The following KRT23 variants were observed in gnomAD, a reference collection of about 807,000 sequenced individuals.
The protein encoded by KRT23 is keratin, type I cytoskeletal 23.
Under a neutral mutation model 47.6 loss-of-function variants are expected in KRT23, and 38 were observed. The observed-to-expected ratio is 0.80, with a 90% CI of 0.62 to 1.05. The LOEUF (loss-of-function observed/expected upper bound fraction) is 1.05. Ranked by LOEUF, KRT23 falls within the 50% of genes least tolerant of loss-of-function variation. KRT23 has a pLI of 0.00. For synonymous variants in KRT23, 191 were observed against 199.0 expected (o/e 0.96, Z 0.34); for missense variants, 503 against 529.5 (o/e 0.95, Z 0.49).
At chr17:40,931,486 T>C in intron 2 of KRT23, 31 bp from the exon 3 acceptor site, 1 of 1,545,296 alleles carries the variant, frequency 6.5e-7, no homozygotes, top group Non-Finnish European at 9.0e-7. Flanking sequence ...CACAAAAGGT[T>C]ATCTCACTTG....
chr17:40,928,208 G>A, intron 6 of KRT23, 30 bp downstream of exon 6: 3 of 1,613,278 alleles, frequency 1.9e-6, no homozygotes, highest in Non-Finnish European at 2.5e-6. Context: ...AGGTGGTGTG[G>A]GATTCACGGT....
chr17:40,927,043 C>G (rs975614663), intron 6 of KRT23, among the ~76,000 whole-genome samples: 4 of 152,180 alleles, frequency 2.6e-5, no homozygotes, highest in Non-Finnish European at 5.9e-5. Context: ...CATCCCATCA[C>G]CACATCAAGC....
At chr17:40,923,109 C>T in intron 8 of KRT23, 26 bp from the exon 9 acceptor site, 2 of 1,490,240 alleles carry the variant, frequency 1.3e-6, no homozygotes, top group South Asian at 2.3e-5. Context: ...TGGAAGATGT[C>T]ACTGCCATGC....
chr17:40,930,265 A>G (rs1909564804), intron 3 of KRT23, among the ~76,000 whole-genome samples, 169 bp from the exon 4 acceptor site: 1 of 152,168 alleles, frequency 6.6e-6, no homozygotes, highest in Non-Finnish European at 1.5e-5. Flanking sequence ...CTTCTCCATG[A>G]TGGTGACTCA....
At chr17:40,924,048 G>C (rs568777106) in intron 8 of KRT23, among the ~76,000 whole-genome samples, 6 of 152,296 alleles carry the variant, frequency 3.9e-5, no homozygotes, top group African/African-American at 1.4e-4. Context: ...GACTGTCCAA[G>C]AAGAGGATCA....
At position 40,936,500 on chromosome 17, in the gene KRT23, T is replaced by C. The variant is rs770244941; in HGVS notation, c.104A>G (p.His35Arg). 13 of 1,543,286 alleles carry C rather than the reference T, an allele frequency of 8.4e-6. No homozygotes were observed. The highest frequency in any genetic ancestry group is 1.0e-5 in the Non-Finnish European group (12 of 1,146,698). ...PRSFPRAPTV[H>R]GGAGGARISL... ...GATGCGGGCTCCCCCCGCACCGCCA[T>C]GGACGGTGGGAGCCCTGGGGAAGCT... is the stretch of plus-strand genomic sequence containing the variant. Residue 35 changes from histidine to arginine, a missense_variant, in exon 2 of 9, where the codon CAT (histidine) becomes CGT (arginine). His to Arg is a conservative substitution (Grantham distance 29). Transcript: ENST00000209718.
At chr17:40,935,720 T>C (rs1597887492) in intron 2 of KRT23, among the ~76,000 whole-genome samples, 1 of 152,336 alleles carries the variant, frequency 6.6e-6, no homozygotes, top group East Asian at 1.9e-4. Context: ...AACAGCCTTT[T>C]GTCGATGGAT....
At chr17:40,935,984 T>C (rs982993588) in intron 2 of KRT23, among the ~76,000 whole-genome samples, 2 of 152,338 alleles carry the variant, frequency 1.3e-5, no homozygotes, top group Admixed American at 1.3e-4. Context: ...TGCTGCCTTC[T>C]TTTTCTACAT....
Position 40,936,677 on chromosome 17 carries a change from C to T in KRT23, c.-74G>A. 7.1e-7 allele frequency: 1 copy of T among 1,410,800 alleles called. No individual in the cohort carries two copies. Among genetic ancestry groups the T allele is most frequent in the Non-Finnish European group, 9.4e-7 (1 of 1,066,618 alleles). 87.4% of individuals were successfully genotyped at this position (1,410,800 alleles called of 1,614,324 possible). On this transcript the variant is annotated 5_prime_UTR_variant, in exon 2 of 9. Transcript: ENST00000209718. ...CACCGCAGAACTGAGCCGCCCCAGACTGCCCTGGATGGTTTTATGGCCTTT... is the reference window on the plus strand; with the variant it reads ...CACCGCAGAACTGAGCCGCCCCAGATTGCCCTGGATGGTTTTATGGCCTTT...
rs1355827539 is a variant in KRT23, at chr17:40,936,245, G to T, written c.359C>A (p.Ser120Tyr). 6.2e-7 allele frequency: 1 copy of T among 1,614,142 alleles called. No homozygotes were observed. Among genetic ancestry groups the T allele is most frequent in the Non-Finnish European group, 8.5e-7 (1 of 1,180,026 alleles). Reference sequence around the variant, plus strand: ...GTGTGTGATGTTTTCCTCATACTGGGAATAATCTTTCTTACTGCCAGGATC... The same window carrying T: ...GTGTGTGATGTTTTCCTCATACTGGTAATAATCTTTCTTACTGCCAGGATC... ...QRDPGSKKDY[S>Y]QYEENITHLQ... The change falls in exon 2 of 9, where the codon TCC becomes TAC. Residue 120 changes from serine to tyrosine, a missense_variant. Transcript: ENST00000209718.
intron 3 of KRT23, among the ~76,000 whole-genome samples, chr17:40,930,713 G>A (rs1350176503): frequency 2.6e-5 from 4 of 151,812 alleles, no homozygotes; most frequent in Non-Finnish European, 4.4e-5. Context: ...GCAGTGAGCC[G>A]AGATCACGCC....
Position 40,936,360 on chromosome 17 carries a change from G to C in KRT23, c.244C>G (p.Arg82Gly). Residue 82 changes from arginine (R) to glycine (G), a missense_variant, in exon 2 of 9, where the codon CGC (arginine) becomes GGC (glycine). Physicochemically the swap from Arg to Gly is moderately radical, Grantham distance 125. Coordinates refer to ENST00000209718, the MANE Select transcript of KRT23 (RefSeq NM_015515.5). Reference protein sequence around the residue: ...GKATMQNLNDRLASYLEKVRA... With the variant: ...GKATMQNLNDGLASYLEKVRA... ...ACCTTCTCCAGGTAGGAGGCCAGGC[G>C]GTCGTTGAGATTCTGCATGGTGGCC... The C allele has an allele frequency of 3.1e-6, 5 of 1,614,214 alleles. No homozygotes were observed. Among genetic ancestry groups the C allele is most frequent in the Non-Finnish European group, 4.2e-6 (5 of 1,180,032 alleles).
At chr17:40,925,262 G>T in intron 7 of KRT23, 92 bp downstream of exon 7, 1 of 1,067,694 alleles carries the variant, frequency 9.4e-7, no homozygotes, top group Non-Finnish European at 1.4e-6. Flanking sequence ...TTGCTAGAGT[G>T]ACTCTTGCTA....
intron 4 of KRT23, chr17:40,929,642 C>G: frequency 3.4e-6 from 1 of 290,100 alleles, no homozygotes; most frequent in Admixed American, 4.9e-5. Context: ...TCCAGTCTCA[C>G]GCATTGATTC....
intron 3 of KRT23, 145 bp from the exon 4 acceptor site, chr17:40,930,241 A>G (rs1909562329): frequency 1.5e-6 from 1 of 652,612 alleles, no homozygotes; most frequent in African/African-American, 1.8e-5. Context: ...TTTTTATGCC[A>G]GTTTCATGCT....
intron 3 of KRT23, among the ~76,000 whole-genome samples, chr17:40,930,677 T>C (rs1231816674): frequency 6.6e-6 from 1 of 151,702 alleles, no homozygotes; most frequent in African/African-American, 2.4e-5. Flanking sequence ...GGCAGGAGAA[T>C]CGCTTGAACC....
chr17:40,925,364 C>T lies in KRT23; in HGVS notation c.1132G>A (p.Glu378Lys). ...CAGCCTTTGCCTTACCCTTCACTCT[C>T]TCCCTCCAGGAGCCGTCGGTACGTG... ...ITTYRRLLEGESEGTREESKS... is the reference protein window; with the variant it reads ...ITTYRRLLEGKSEGTREESKS... The change falls in exon 7 of 9, where the codon GAG becomes AAG. Residue 378 changes from glutamate (E) to lysine (K), a missense_variant. By Grantham distance (56) the Glu-to-Lys change is moderately conservative. Transcript: ENST00000209718. 1 of 1,613,246 alleles carries T rather than the reference C, an allele frequency of 6.2e-7. No individual in the cohort carries two copies. The highest frequency in any genetic ancestry group is 8.5e-7 in the Non-Finnish European group (1 of 1,179,914).
rs2143416597 is a variant in KRT23 at position 40,922,747 on chromosome 17, A to C, written c.*242T>G. 2.6e-6 allele frequency: 1 copy of C among 382,278 alleles called. No individual in the cohort carries two copies. Among genetic ancestry groups the C allele is most frequent in the East Asian group, 4.9e-5 (1 of 20,404 alleles). The allele number at this position is 382,278 out of a possible 1,614,324, so 23.7% of individuals were successfully genotyped here. On this transcript the variant is annotated 3_prime_UTR_variant, in exon 9 of 9. Transcript: ENST00000209718. ...TACAAAATAGATGCAAAATGATGAG[A>C]ATCTGAAGGCTGCAGTAGGAAAGTA...
chr17:40,928,335 G>A lies in KRT23; in HGVS notation c.824C>T (p.Ala275Val). The change falls in exon 6 of 9, where the codon GCC becomes GTC. Residue 275 changes from alanine (A) to valine (V), a missense_variant. Physicochemically the swap from Ala to Val is moderately conservative, Grantham distance 64. Coordinates refer to ENST00000209718, the MANE Select transcript of KRT23 (RefSeq NM_015515.5). The part of the protein sequence containing the change: ...EQSAAMSQEA[A>V]SPATVQSRQG... ...TCTGCTCTGCACAGTGGCTGGACTG[G>A]CTGCCTCCTGGGACATGGCTGCAGA... 4 of 1,614,204 alleles carry A rather than the reference G, an allele frequency of 2.5e-6. No homozygotes were observed. The highest frequency in any genetic ancestry group is 3.4e-6 in the Non-Finnish European group (4 of 1,180,034).
Sources: allele counts gnomAD v4.1 joint callset (sites outside exome capture counted in the v4.1 genomes callset), GRCh38; gene constraint gnomAD v4.1.1; transcripts MANE v1.5; gene names NCBI Gene and HGNC (gene_info 2026-07-23, HGNC 2026-07-21).